Variants in CCDC187 observed in about 807,000 individuals in gnomAD.
CCDC187 encodes coiled-coil domain-containing protein 187.
A neutral mutation model predicts 38.0 loss-of-function variants in CCDC187; 32 were observed. That is an observed-to-expected ratio of 0.84 (90% confidence interval 0.64 to 1.13). CCDC187 has a LOEUF of 1.13. Among genes scored for constraint, CCDC187 ranks in the 50% most tolerant of loss-of-function variants. The pLI, the probability that CCDC187 is intolerant of heterozygous loss-of-function variation, is 0.00. For synonymous variants in CCDC187, 333 were observed against 347.9 expected (o/e 0.96, Z 0.48); for missense variants, 707 against 786.8 (o/e 0.90, Z 1.21).
chr9:136,303,151 T>G lies in CCDC187; in HGVS notation c.286A>C (p.Ser96Arg), dbSNP rs981095281. ...KEPGPWGKAC[S>R]LPMWSTGPEA... ...GGGCCTGTGGACCACATGGGCAGGC[T>G]GCACGCCTTCCCCCAGGGTCCTGGT... is the stretch of plus-strand genomic sequence containing the variant. Residue 96 changes from serine (S) to arginine (R), a missense_variant, in exon 2 of 26, where the codon AGC (serine) becomes CGC (arginine). Coordinates refer to ENST00000638797, the MANE Select transcript of CCDC187 (RefSeq NM_001378188.1). The G allele has an allele frequency of 8.3e-4, 329 of 398,682 alleles. 1 individual carries two copies. The highest frequency in any genetic ancestry group is 6.1e-3 in the African/African-American group (297 of 48,762). The allele number at this position is 398,682 out of a possible 1,614,324, so 24.7% of individuals were successfully genotyped here.
At chr9:136,287,455 A>G (rs1311657619) in intron 7 of CCDC187, among the ~76,000 whole-genome samples, 2 of 152,226 alleles carry the variant, frequency 1.3e-5, no homozygotes, top group Non-Finnish European at 2.9e-5. Context: ...ATGAGACGCC[A>G]GAGTCCTCGT....
chr9:136,293,450 TGCTCACACTCACACTCA>T lies in CCDC187; in HGVS notation c.833-1172_833-1156del, dbSNP rs1831423449. On this transcript the variant is annotated intron_variant, in intron 4 of 25. Coordinates refer to ENST00000638797, the MANE Select transcript of CCDC187 (RefSeq NM_001378188.1). ...TCTCACATGCTCACACACTCACACA[TGCTCACACTCACACTCA>T]CATGCTCACACACTCACAAACACAT... 9.6e-3 allele frequency among the ~76,000 whole-genome samples: 337 copies of T among 35,110 alleles called. 17 individuals are homozygous for T. The East Asian group carries it at 0.14, about 14-fold the overall frequency. The allele number at this position is 35,110 out of a possible 152,430, so 23.0% of individuals were successfully genotyped here. A position where few individuals can be genotyped will look rare whatever the true frequency, so the allele number is the denominator to read the frequency against.
At position 136,300,459 on chromosome 9, in the gene CCDC187, G is replaced by GACGCAAT. The variant is rs1588676895; in HGVS notation, c.626-142_626-141insATTGCGT. The GACGCAAT allele has an allele frequency of 7.8e-6, 3 of 386,510 alleles. No individual in the cohort carries two copies. The East Asian group carries it at 1.1e-4, about 14-fold the overall frequency. 23.9% of individuals were successfully genotyped at this position (386,510 alleles called of 1,614,324 possible). On this transcript the variant is annotated intron_variant, in intron 2 of 25. Coordinates refer to ENST00000638797, the MANE Select transcript of CCDC187 (RefSeq NM_001378188.1). ...GACAGGGTCTCACTCTGTCACCCAAGCTGGAGTGCAATGGCGCAATCTCAG... is the reference window on the plus strand; with the variant it reads ...GACAGGGTCTCACTCTGTCACCCAAGACGCAATCTGGAGTGCAATGGCGCAATCTCAG...
chr9:136,282,167 C>T (rs1419669748), intron 9 of CCDC187, among the ~76,000 whole-genome samples: 1 of 152,228 alleles, frequency 6.6e-6, no homozygotes, highest in Non-Finnish European at 1.5e-5. Context: ...AACGGGGTCA[C>T]GCATCAGCTG....
At chr9:136,256,137 G>A (rs1193450272) in intron 24 of CCDC187, 74 bp downstream of exon 24, 6 of 800,522 alleles carry the variant, frequency 7.5e-6, no homozygotes, top group Non-Finnish European at 7.6e-6. Flanking sequence ...CACAGCAGGG[G>A]GACAGGGGGT....
intron 9 of CCDC187, among the ~76,000 whole-genome samples, chr9:136,282,016 A>AG (rs1467209514): frequency 6.6e-6 from 1 of 152,158 alleles, no homozygotes; most frequent in Non-Finnish European, 1.5e-5. Context: ...CTCGGACCCC[A>AG]GGGGGAACAG....
At position 136,292,154 on chromosome 9, in the gene CCDC187, C is replaced by T. The variant is rs1457214337; in HGVS notation, c.967+7G>A. The T allele has an allele frequency of 1.0e-5, 4 of 398,610 alleles. No individual in the cohort carries two copies. Among genetic ancestry groups the T allele is most frequent in the Non-Finnish European group, 1.8e-5 (4 of 226,178 alleles). 24.7% of individuals were successfully genotyped at this position (398,610 alleles called of 1,614,324 possible). A position where few individuals can be genotyped will look rare whatever the true frequency, so the allele number is the denominator to read the frequency against. ...CAGGACAGAGCCCATGGCAGAGGCA[C>T]AGGTACCTAAGTCCACGGTGAGAGC... On this transcript the variant is annotated splice_region_variant and intron_variant, in intron 5 of 25. Transcript: ENST00000638797.
In CCDC187 at chr9:136,260,182, A is replaced by G; in HGVS notation, c.4147T>C (p.Trp1383Arg). ...TGGGGGTCGTGTGTGTCCTCGCCCC[A>G]TGCTGGCCTCGGAGGCTGCTGGTGA... ...DGHQQPPRPA[W>R]GEDTHDPQGP... The change falls in exon 20 of 26, where the codon TGG (tryptophan) becomes CGG (arginine). Residue 1383 changes from tryptophan (W) to arginine (R), a missense_variant. Coordinates refer to ENST00000638797, the MANE Select transcript of CCDC187 (RefSeq NM_001378188.1). 1 of 985,232 alleles carries G rather than the reference A, an allele frequency of 1.0e-6. No homozygotes were observed. The highest frequency in any genetic ancestry group is 1.2e-6 in the Non-Finnish European group (1 of 830,008). The allele number at this position is 985,232 out of a possible 1,614,324, so 61.0% of individuals were successfully genotyped here. A position where few individuals can be genotyped will look rare whatever the true frequency, so the allele number is the denominator to read the frequency against.
In CCDC187 at chr9:136,270,105, T is replaced by A. The variant is rs1389694405; in HGVS notation, c.3443-1980A>T. On this transcript the variant is annotated intron_variant, in intron 14 of 25. Coordinates refer to ENST00000638797, the MANE Select transcript of CCDC187 (RefSeq NM_001378188.1). ...GCTTCAGTAAGCTCACAACTTCAAG[T>A]GGCCTAATGTATGCGTAATTGTGTA... Among the ~76,000 whole-genome samples, 4 of 152,232 alleles carry A rather than the reference T, an allele frequency of 2.6e-5. No individual in the cohort carries two copies. In the East Asian group the frequency reaches 7.7e-4, roughly 29 times the overall value.
chr9:136,258,730 C>A lies in CCDC187; in HGVS notation c.4366+202G>T, dbSNP rs559561293. 1 of 985,486 alleles carries A rather than the reference C, an allele frequency of 1.0e-6. No individual in the cohort carries two copies. Among genetic ancestry groups the A allele is most frequent in the Non-Finnish European group, 1.2e-6 (1 of 829,936 alleles). The allele number at this position is 985,486 out of a possible 1,614,324, so 61.0% of individuals were successfully genotyped here. ...TTTAATTTCTCCAGAAGAGCCGCTGCGTCACCTCCGGTAGGAGATGGAGCC... is the reference window on the plus strand; with the variant it reads ...TTTAATTTCTCCAGAAGAGCCGCTGAGTCACCTCCGGTAGGAGATGGAGCC... On this transcript the variant is annotated intron_variant, in intron 22 of 25. Transcript: ENST00000638797. The surrounding 1 kb of genome is among the most constrained non-coding windows in gnomAD (Gnocchi z 4.3).
rs1397521103 is a variant in CCDC187, at chr9:136,250,429, G to A, written c.*3165C>T. Reference sequence around the variant, plus strand: ...AGCGAGCCTGGGAGCCATCAGATTCGCTGCAAATCTGCGGGGCTTCAGTGG... The same window carrying A: ...AGCGAGCCTGGGAGCCATCAGATTCACTGCAAATCTGCGGGGCTTCAGTGG... On this transcript the variant is annotated 3_prime_UTR_variant, in exon 26 of 26. Transcript: ENST00000638797. 2.1e-5 allele frequency: 6 copies of A among 290,094 alleles called. No individual in the cohort carries two copies. The highest frequency in any genetic ancestry group is 9.7e-5 in the East Asian group (1 of 10,286). 18.0% of individuals were successfully genotyped at this position (290,094 alleles called of 1,614,324 possible). A position where few individuals can be genotyped will look rare whatever the true frequency, so the allele number is the denominator to read the frequency against.
intron 4 of CCDC187, among the ~76,000 whole-genome samples, chr9:136,293,605 C>T (rs1164843882): frequency 2.6e-5 from 4 of 152,010 alleles, no homozygotes; most frequent in African/African-American, 9.7e-5. Context: ...CCCAGGCTCA[C>T]ACATATGCAC....
upstream of CCDC187, among the ~76,000 whole-genome samples, chr9:136,304,278 G>A (rs1441649300): frequency 6.6e-6 from 1 of 152,220 alleles, no homozygotes; most frequent in African/African-American, 2.4e-5. Context: ...TGGGCTTGTG[G>A]GGTCAGTGTT....
chr9:136,289,666 A>G (rs1202840854), intron 7 of CCDC187, among the ~76,000 whole-genome samples: 1 of 152,136 alleles, frequency 6.6e-6, no homozygotes, highest in Non-Finnish European at 1.5e-5. Context: ...ACTCAGTAGA[A>G]GTGGTGGTTG....
intron 7 of CCDC187, among the ~76,000 whole-genome samples, chr9:136,287,434 G>A (rs1181320841): frequency 6.6e-6 from 1 of 152,126 alleles, no homozygotes; most frequent in Non-Finnish European, 1.5e-5. Flanking sequence ...CCAGATCACC[G>A]CAACTGGACA....
rs1831755317 is a variant in CCDC187 at position 136,303,972 on chromosome 9, C to T, written c.-142G>A. On this transcript the variant is annotated 5_prime_UTR_variant, in exon 1 of 26. Coordinates refer to ENST00000638797, the MANE Select transcript of CCDC187 (RefSeq NM_001378188.1). ...GGGATGGGCTGGCCACTGCCTGGCT[C>T]CGGATGCCCGCCTGCGCCGGTCCCC... 6.6e-6 allele frequency: 1 copy of T among 152,380 alleles called. No homozygotes were observed. The highest frequency in any genetic ancestry group is 1.5e-5 in the Non-Finnish European group (1 of 68,184). 9.4% of individuals were successfully genotyped at this position (152,380 alleles called of 1,614,324 possible). A position where few individuals can be genotyped will look rare whatever the true frequency, so the allele number is the denominator to read the frequency against.
At chr9:136,300,050 C>T (rs1831637891) in intron 3 of CCDC187, among the ~76,000 whole-genome samples, 170 bp downstream of exon 3, 1 of 152,252 alleles carries the variant, frequency 6.6e-6, no homozygotes, top group Non-Finnish European at 1.5e-5. Context: ...AGAACACAGG[C>T]TCCAGAGAAT....
intron 14 of CCDC187, among the ~76,000 whole-genome samples, chr9:136,268,507 C>T (rs1830786284): frequency 6.6e-6 from 1 of 152,104 alleles, no homozygotes; most frequent in Non-Finnish European, 1.5e-5. Context: ...ATCCCAGATC[C>T]CCAGCTGAAG....
At chr9:136,293,869 C>A (rs959500209) in intron 4 of CCDC187, among the ~76,000 whole-genome samples, 5 of 136,558 alleles carry the variant, frequency 3.7e-5, no homozygotes, top group African/African-American at 1.2e-4. Context: ...GTCTCATATG[C>A]TCTCTGACTC....
Sources: gnomAD v4.1 joint callset for allele counts (sites outside exome capture counted in the v4.1 genomes callset) on GRCh38, gnomAD v4.1.1 for gene constraint, Gnocchi (gnomAD v3.1) non-coding constraint, MANE v1.5 for transcripts, NCBI Gene and HGNC (gene_info 2026-07-23, HGNC 2026-07-21) for gene names.